The following DOK6 variants were observed in gnomAD, a reference collection of about 807,000 sequenced individuals.
DOK6 encodes docking protein 6, also known as downstream of tyrosine kinase 6.
DOK6 carries 22 observed loss-of-function variants against 44.0 expected under a neutral mutation model. That is an observed-to-expected ratio of 0.50 (90% CI 0.36 to 0.71). DOK6 has a LOEUF of 0.71. DOK6 is among the 30% of genes least tolerant of loss of function. The probability of loss-of-function intolerance (pLI) is 0.00; values close to 1 mark genes in which losing one functional copy is unlikely to be tolerated. For synonymous variants in DOK6, 166 were observed against 145.5 expected, an observed-to-expected ratio of 1.14 and a Z score of -1.01; for missense variants, 340 against 416.4, an observed-to-expected ratio of 0.82 and a Z score of 1.60.
At chr18:69,820,085 T>G (rs1404760078) in intron 7 of DOK6, among the ~76,000 whole-genome samples, 1 of 152,228 alleles carries the variant, frequency 6.6e-6, no homozygotes, top group Non-Finnish European at 1.5e-5. Flanking sequence ...CTGAGTAATA[T>G]TCCATTTTGT....
intron 7 of DOK6, among the ~76,000 whole-genome samples, chr18:69,839,935 T>C (rs542909967): frequency 6.6e-6 from 1 of 152,356 alleles, no homozygotes; most frequent in East Asian, 1.9e-4. Flanking sequence ...AAAACAACTT[T>C]TTTTTTAATG....
chr18:69,482,788 T>C (rs1444015931), intron 1 of DOK6, among the ~76,000 whole-genome samples: 1 of 151,854 alleles, frequency 6.6e-6, no homozygotes. Context: ...AAGGATGAAA[T>C]AAAAAAAGTG....
At chr18:69,431,427 T>C (rs1978804075) in intron 1 of DOK6, among the ~76,000 whole-genome samples, 1 of 152,164 alleles carries the variant, frequency 6.6e-6, no homozygotes, top group African/African-American at 2.4e-5. Flanking sequence ...TTCATTCTTA[T>C]TTACATAATT....
intron 7 of DOK6, among the ~76,000 whole-genome samples, chr18:69,803,084 T>G (rs938357634): frequency 1.3e-5 from 2 of 152,106 alleles, no homozygotes; most frequent in Non-Finnish European, 2.9e-5. Context: ...TTGTTTGATT[T>G]TATGATGTTA....
At chr18:69,613,847 T>C (rs1257511601) in intron 3 of DOK6, among the ~76,000 whole-genome samples, 1 of 151,658 alleles carries the variant, frequency 6.6e-6, no homozygotes, top group Non-Finnish European at 1.5e-5. Flanking sequence ...CCAAAATATG[T>C]AATGGAATAT....
intron 1 of DOK6, among the ~76,000 whole-genome samples, chr18:69,517,516 G>A (rs531347223): frequency 6.6e-5 from 10 of 152,004 alleles, no homozygotes; most frequent in African/African-American, 2.4e-4. Context: ...TCTATAATCC[G>A]GTCCTCTAGA....
chr18:69,712,258 G>GCGA (rs1330769953), intron 5 of DOK6, among the ~76,000 whole-genome samples: 2 of 103,810 alleles, frequency 1.9e-5, no homozygotes, highest in Non-Finnish European at 3.5e-5. Flanking sequence ...TCCAGCCTGG[G>GCGA]CGACAGAGCG....
intron 1 of DOK6, among the ~76,000 whole-genome samples, chr18:69,533,633 A>G (rs1309416889): frequency 6.9e-6 from 1 of 144,752 alleles, no homozygotes; most frequent in African/African-American, 2.8e-5. Context: ...TATCCAATAG[A>G]AAACTTATGT....
intron 3 of DOK6, among the ~76,000 whole-genome samples, chr18:69,642,726 A>G (rs2144655402): frequency 6.6e-6 from 1 of 152,106 alleles, no homozygotes; most frequent in South Asian, 2.1e-4. Flanking sequence ...GTCTACATGT[A>G]TCTGTTTCTC....
At chr18:69,578,938 A>G (rs1599202744) in intron 2 of DOK6, among the ~76,000 whole-genome samples, 1 of 152,174 alleles carries the variant, frequency 6.6e-6, no homozygotes, top group East Asian at 1.9e-4. Flanking sequence ...TTTCAAATTT[A>G]TATAGTATTT....
intron 5 of DOK6, among the ~76,000 whole-genome samples, chr18:69,708,370 C>A (rs1386187454): frequency 1.3e-5 from 2 of 152,156 alleles, no homozygotes; most frequent in Non-Finnish European, 2.9e-5. Context: ...CCAGCACTTT[C>A]CCTGTGCCTT....
intron 2 of DOK6, among the ~76,000 whole-genome samples, chr18:69,577,852 A>C (rs1044294423): frequency 6.6e-6 from 1 of 152,174 alleles, no homozygotes; most frequent in African/African-American, 2.4e-5. Context: ...AAGTCAATTA[A>C]AATTTTACAA....
At chr18:69,462,122 A>C (rs962626536) in intron 1 of DOK6, among the ~76,000 whole-genome samples, 1 of 152,202 alleles carries the variant, frequency 6.6e-6, no homozygotes, top group Non-Finnish European at 1.5e-5. Flanking sequence ...TTGAAATTCC[A>C]AAGTGTGTTA....
chr18:69,620,688 A>C (rs142061796), intron 3 of DOK6, among the ~76,000 whole-genome samples: 1 of 152,214 alleles, frequency 6.6e-6, no homozygotes, highest in Non-Finnish European at 1.5e-5. Context: ...ATAGTTAATA[A>C]TAAATATGAT....
In DOK6 at chr18:69,815,195, G is replaced by A. The variant is rs113329570; in HGVS notation, c.857-26049G>A. On this transcript the variant is annotated intron_variant, in intron 7 of 7. Transcript: ENST00000382713. Reference sequence around the variant, plus strand: ...CAAGGAAGAAAGAAGGGAGGGAGGCGGGCCACACATCCTCCTGTGAGATAA... The same window carrying A: ...CAAGGAAGAAAGAAGGGAGGGAGGCAGGCCACACATCCTCCTGTGAGATAA... 5.1e-3 allele frequency among the ~76,000 whole-genome samples: 779 copies of A among 152,194 alleles called. 4 individuals are homozygous for A. Among genetic ancestry groups the A allele is most frequent in the Non-Finnish European group, 8.5e-3 (579 of 68,008 alleles).
chr18:69,596,601 GA>G (rs35351223), intron 2 of DOK6, among the ~76,000 whole-genome samples: 68,637 of 151,352 alleles, frequency 0.45, 15,523 homozygotes, highest in East Asian at 0.57. Flanking sequence ...CTTAAAGGGG[GA>G]AAAAAAACAC....
At chr18:69,712,780 G>GA (rs1986797530) in intron 5 of DOK6, among the ~76,000 whole-genome samples, 1 of 152,192 alleles carries the variant, frequency 6.6e-6, no homozygotes, top group Non-Finnish European at 1.5e-5. Context: ...CCGGGAGGCT[G>GA]AGGTTGCAGT....
At chr18:69,639,980 C>G (rs2144653282) in intron 3 of DOK6, among the ~76,000 whole-genome samples, 1 of 152,260 alleles carries the variant, frequency 6.6e-6, no homozygotes, top group Non-Finnish European at 1.5e-5. Context: ...GCCTGTTTCC[C>G]CAGGTAACCA....
At chr18:69,448,678 T>C (rs540281220) in intron 1 of DOK6, among the ~76,000 whole-genome samples, 4 of 152,282 alleles carry the variant, frequency 2.6e-5, no homozygotes, top group East Asian at 3.9e-4. Context: ...CCAGCCCAAA[T>C]TGATTCTTAA....
Sources: gnomAD v4.1 joint callset for allele counts (sites outside exome capture counted in the v4.1 genomes callset) on GRCh38, gnomAD v4.1.1 for gene constraint, MANE v1.5 for transcripts, NCBI Gene and HGNC (gene_info 2026-07-23, HGNC 2026-07-21) for gene names.